CEP350: variants seen among roughly 807,000 people sequenced by gnomAD.
The protein encoded by CEP350 is centrosomal protein 350.
In CEP350, 126 loss-of-function variants were observed where a neutral mutation model predicts 331.8. That is an observed-to-expected ratio of 0.38 (90% CI 0.33 to 0.44). The LOEUF is 0.44. Among genes scored for constraint, CEP350 ranks in the 20% least tolerant of loss-of-function variants. The pLI, the probability that CEP350 is intolerant of heterozygous loss-of-function variation, is 1.00. For synonymous variants in CEP350, 1,200 were observed against 1,259.5 expected (o/e 0.95, Z 1.00); for missense variants, 3,406 against 3,634.6 (o/e 0.94, Z 1.62).
At position 180,095,607 on chromosome 1, in the gene CEP350, G is replaced by A. The variant is rs140121842; in HGVS notation, c.8596G>A (p.Ala2866Thr). ...ELELSREFLS[A>T]LGDDQDWFDE... ...TGAACTCAGCCGGGAGTTCCTGAGC[G>A]CGTTAGGAGATGATCAAGACTGGTT... Residue 2866 changes from alanine (A) to threonine (T), a missense_variant, in exon 35 of 38, where the codon GCG becomes ACG. This residue lies in a region of CEP350 where 1,415 missense variants were observed against 1,512.3 expected (regional missense o/e 0.94). Transcript: ENST00000367607. The A allele has an allele frequency of 2.8e-4, 444 of 1,613,924 alleles. 4 individuals carry two copies. The East Asian group carries it at 7.1e-3, about 26-fold the overall frequency.
rs1262924259 is a variant in CEP350, at chr1:179,999,633, C to T, written c.1018+2458C>T. Among the ~76,000 whole-genome samples the T allele has an allele frequency of 2.0e-5, 3 of 152,082 alleles. No individual in the cohort carries two copies. The East Asian group carries it at 5.8e-4, about 29-fold the overall frequency. On this transcript the variant is annotated intron_variant, in intron 6 of 37. Coordinates refer to ENST00000367607, the MANE Select transcript of CEP350 (RefSeq NM_014810.5). ...GTTCGCAGTCCAAAAGATGAGTATA[C>T]CTTGAAAAGTTCTGTCACTCTTGTG...
In CEP350 at chr1:180,031,458, A is replaced by T; in HGVS notation, c.3689A>T (p.Asp1230Val). The change falls in exon 15 of 38, where the codon GAT becomes GTT. Residue 1230 changes from aspartate (D) to valine (V), a missense_variant. Around this residue, in one of 5 missense-constraint regions of CEP350, gnomAD observed 1,857 missense variants for 1,909.2 expected, o/e 0.97. Coordinates refer to ENST00000367607, the MANE Select transcript of CEP350 (RefSeq NM_014810.5). ...VKDFEQTLDT[D>V]STLEDLSGHS... ...GATTTTGAGCAGACTCTTGATACAG[A>T]TAGCACTTTGGAGGATCTTTCTGGA... The T allele has an allele frequency of 1.9e-6, 3 of 1,569,036 alleles. No homozygotes were observed. The highest frequency in any genetic ancestry group is 1.7e-4 in the Middle Eastern group (1 of 5,964).
rs983880014 is a variant in CEP350 at position 180,041,604 on chromosome 1, A to T, written c.4222-58A>T. On this transcript the variant is annotated intron_variant, in intron 18 of 37. Transcript: ENST00000367607. ...GAAATAAATTTATAAATTAAAATTAATTCAGGAGGAGGGGAGATTAAAACA... is the reference window on the plus strand; with the variant it reads ...GAAATAAATTTATAAATTAAAATTATTTCAGGAGGAGGGGAGATTAAAACA... 14 of 1,437,166 alleles carry T rather than the reference A, an allele frequency of 9.7e-6. No homozygotes were observed. The African/African-American group carries it at 1.7e-4, about 18-fold the overall frequency. 89.0% of individuals were successfully genotyped at this position (1,437,166 alleles called of 1,614,324 possible).
At chr1:180,088,271 G>T (rs1251207723) in intron 32 of CEP350, among the ~76,000 whole-genome samples, 1 of 152,060 alleles carries the variant, frequency 6.6e-6, no homozygotes, top group African/African-American at 2.4e-5. Context: ...AAATACAGAA[G>T]ATACTAAGTT....
intron 7 of CEP350, among the ~76,000 whole-genome samples, chr1:180,004,284 T>C (rs1401086395): frequency 2.0e-5 from 3 of 152,208 alleles, no homozygotes; most frequent in Non-Finnish European, 4.4e-5. Flanking sequence ...CTGCCTTCTC[T>C]CTTGTTACGG....
chr1:180,071,769 A>C (rs1261639457), intron 27 of CEP350, among the ~76,000 whole-genome samples: 2 of 126,778 alleles, frequency 1.6e-5, no homozygotes, highest in Non-Finnish European at 3.5e-5. Flanking sequence ...GCAACAGAGC[A>C]AGACTCCGTC....
Position 180,020,576 on chromosome 1 carries a change from C to T in CEP350, c.2802C>T (p.Ser934=), listed in dbSNP as rs780467845. Reference sequence around the variant, plus strand: ...TAAGACCACAGAGTGCCATATCAAGCTTTAGAGTGAGATCCCCTGGTCCCA... The same window carrying T: ...TAAGACCACAGAGTGCCATATCAAGTTTTAGAGTGAGATCCCCTGGTCCCA... ...EMIRPQSAIS[S]FRVRSPGPKP... Residue 934 remains serine (S), a synonymous_variant, in exon 12 of 38, where the codon AGC becomes AGT. Transcript: ENST00000367607. 115 of 1,613,836 alleles carry T rather than the reference C, an allele frequency of 7.1e-5. No individual in the cohort carries two copies. The highest frequency in any genetic ancestry group is 9.5e-5 in the Non-Finnish European group (112 of 1,179,888).
intron 5 of CEP350, among the ~76,000 whole-genome samples, chr1:179,992,668 A>AT (rs1653180074): frequency 1.3e-5 from 2 of 151,694 alleles, no homozygotes; most frequent in African/African-American, 4.8e-5. Context: ...ATGTGAGTTG[A>AT]TTTATTGTTT....
intron 22 of CEP350, among the ~76,000 whole-genome samples, chr1:180,049,650 T>G (rs1253053369): frequency 1.3e-5 from 2 of 151,626 alleles, no homozygotes; most frequent in African/African-American, 4.8e-5. Flanking sequence ...TTCAAGTGAT[T>G]CTCCTGCCTC....
chr1:180,080,123 G>T (rs1202620648), intron 29 of CEP350, among the ~76,000 whole-genome samples: 6 of 152,072 alleles, frequency 3.9e-5, no homozygotes, highest in Admixed American at 2.6e-4. Flanking sequence ...AACTTCTTAC[G>T]CTCTGTTTTC....
Position 180,020,426 on chromosome 1 carries a change from T to C in CEP350, c.2652T>C (p.Asp884=). ...CTGTAACTCCACCTGTGAAAGATGA[T>C]AATGAAGATGTTTTCTCTGCCAGAA... is the stretch of plus-strand genomic sequence containing the variant. ...TKAVTPPVKD[D]NEDVFSARIQ... The change falls in exon 12 of 38, where the codon GAT becomes GAC. Residue 884 remains aspartate, a synonymous_variant. Coordinates refer to ENST00000367607, the MANE Select transcript of CEP350 (RefSeq NM_014810.5). 6 of 1,613,926 alleles carry C rather than the reference T, an allele frequency of 3.7e-6. No homozygotes were observed. The highest frequency in any genetic ancestry group is 5.1e-6 in the Non-Finnish European group (6 of 1,179,890).
At chr1:179,958,716 CAGTT>C (rs746778070) in intron 1 of CEP350, among the ~76,000 whole-genome samples, 103 of 152,308 alleles carry the variant, frequency 6.8e-4, no homozygotes, top group African/African-American at 1.3e-3. Flanking sequence ...AATGAGTTAA[CAGTT>C]AGGCCCTAAA....
chr1:180,074,545 G>A (rs899182583), intron 27 of CEP350, among the ~76,000 whole-genome samples: 2 of 152,128 alleles, frequency 1.3e-5, no homozygotes, highest in African/African-American at 4.8e-5. Flanking sequence ...AGTAAAAAAG[G>A]GACATGAACA....
chr1:179,967,423 T>TG (rs2148571272), intron 1 of CEP350, among the ~76,000 whole-genome samples: 1 of 152,294 alleles, frequency 6.6e-6, no homozygotes, highest in East Asian at 1.9e-4. Context: ...ATTTCTTTTC[T>TG]TTTTTTGAGA....
Position 180,092,881 on chromosome 1 carries a change from A to G in CEP350, c.6776A>G (p.Lys2259Arg). The G allele has an allele frequency of 6.4e-7, 1 of 1,568,286 alleles. No individual in the cohort carries two copies. The highest frequency in any genetic ancestry group is 1.9e-5 in the Admixed American group (1 of 53,078). The change falls in exon 34 of 38, where the codon AAA (lysine) becomes AGA (arginine). Residue 2259 changes from lysine (K) to arginine (R), a missense_variant. Around this residue, in one of 5 missense-constraint regions of CEP350, gnomAD observed 1,415 missense variants for 1,512.3 expected, o/e 0.94. Coordinates refer to ENST00000367607, the MANE Select transcript of CEP350 (RefSeq NM_014810.5). ...GAATCTAGTAAAAAATCAGAAATAA[A>G]AGAAATAGAGTATACAAAATTGAAG... ...VGESSKKSEIKEIEYTKLKKS... is the reference protein window; with the variant it reads ...VGESSKKSEIREIEYTKLKKS...
At chr1:180,057,321 G>T (rs1347374035) in intron 25 of CEP350, among the ~76,000 whole-genome samples, 1 of 151,620 alleles carries the variant, frequency 6.6e-6, no homozygotes, top group East Asian at 1.9e-4. Context: ...GGCTGGTCTC[G>T]AGCCCCTGAC....
At chr1:180,076,133 A>C (rs1481678685) in intron 28 of CEP350, among the ~76,000 whole-genome samples, 1 of 152,110 alleles carries the variant, frequency 6.6e-6, no homozygotes, top group Non-Finnish European at 1.5e-5. Flanking sequence ...ATCTTTTTAC[A>C]TAGACCTCAT....
intron 1 of CEP350, among the ~76,000 whole-genome samples, chr1:179,974,723 A>G (rs916371588): frequency 9.2e-5 from 14 of 152,208 alleles, no homozygotes; most frequent in Non-Finnish European, 1.2e-4. Context: ...CAACCATGGT[A>G]GCTCATGCCT....
At chr1:180,032,948 T>C (rs145190233) in intron 15 of CEP350, among the ~76,000 whole-genome samples, 60 of 152,178 alleles carry the variant, frequency 3.9e-4, no homozygotes, top group African/African-American at 1.4e-3. Context: ...AAATTAAGGG[T>C]CAAATAAACA....
Sources: gnomAD v4.1 joint callset for allele counts (sites outside exome capture counted in the v4.1 genomes callset) on GRCh38, gnomAD v4.1.1 for gene constraint, gnomAD v4.1.1 regional missense constraint, MANE v1.5 for transcripts, NCBI Gene and HGNC (gene_info 2026-07-23, HGNC 2026-07-21) for gene names.